The following PDE7B variants were observed in gnomAD, a reference collection of about 807,000 sequenced individuals.
PDE7B encodes the protein phosphodiesterase 7B.
Under a neutral mutation model 56.2 loss-of-function variants are expected in PDE7B, and 29 were observed. The observed-to-expected ratio is 0.52, with a 90% CI of 0.38 to 0.70. The LOEUF is 0.70. PDE7B is among the 30% of genes least tolerant of loss of function. The probability of loss-of-function intolerance (pLI) is 0.00; values close to 1 mark genes in which losing one functional copy is unlikely to be tolerated. For synonymous variants in PDE7B, 197 were observed against 196.9 expected, an observed-to-expected ratio of 1.00 and a Z score of 0.00; for missense variants, 490 against 565.0, an observed-to-expected ratio of 0.87 and a Z score of 1.35.
At chr6:136,019,968 T>A (rs1776043030) in intron 2 of PDE7B, among the ~76,000 whole-genome samples, 1 of 152,180 alleles carries the variant, frequency 6.6e-6, no homozygotes, top group South Asian at 2.1e-4. Context: ...GAAGAAAATC[T>A]ACTTATAAGT....
chr6:136,027,407 T>C (rs1332948714), intron 2 of PDE7B, among the ~76,000 whole-genome samples: 1 of 152,198 alleles, frequency 6.6e-6, no homozygotes, highest in Admixed American at 6.5e-5. Context: ...TCTTGAAGTC[T>C]GACAATCATT....
At chr6:136,078,412 T>C (rs1292226815) in intron 2 of PDE7B, among the ~76,000 whole-genome samples, 2 of 152,166 alleles carry the variant, frequency 1.3e-5, no homozygotes, top group Non-Finnish European at 2.9e-5. Context: ...TGATCAGACA[T>C]TGCCTTCTTC....
At chr6:136,007,221 G>T (rs1243063521) in intron 2 of PDE7B, among the ~76,000 whole-genome samples, 1 of 152,136 alleles carries the variant, frequency 6.6e-6, no homozygotes, top group Non-Finnish European at 1.5e-5. Flanking sequence ...TTATGGATTT[G>T]TATATGTTGA....
chr6:136,048,241 G>A (rs1776553937), intron 2 of PDE7B, among the ~76,000 whole-genome samples: 1 of 152,122 alleles, frequency 6.6e-6, no homozygotes, highest in Non-Finnish European at 1.5e-5. Context: ...AGGAGATGAT[G>A]GGCTGGGCGC....
intron 1 of PDE7B, among the ~76,000 whole-genome samples, chr6:135,924,972 C>T (rs1458317673): frequency 6.8e-6 from 1 of 146,942 alleles, no homozygotes; most frequent in African/African-American, 2.5e-5. Flanking sequence ...AACGTCAGCA[C>T]ACACTGTATT....
At chr6:135,928,412 G>A (rs2128196532) in intron 1 of PDE7B, among the ~76,000 whole-genome samples, 1 of 130,754 alleles carries the variant, frequency 7.6e-6, no homozygotes, top group African/African-American at 2.8e-5. Flanking sequence ...ATGGCAGACT[G>A]AATAAAGAAA....
At chr6:135,906,957 G>C (rs1295488273) in intron 1 of PDE7B, among the ~76,000 whole-genome samples, 3 of 151,638 alleles carry the variant, frequency 2.0e-5, no homozygotes, top group Non-Finnish European at 4.4e-5. Flanking sequence ...AACTTAACCA[G>C]CTAAATTGAC....
At chr6:136,155,857 G>T in intron 8 of PDE7B, 99 bp downstream of exon 8, 1 of 1,258,018 alleles carries the variant, frequency 7.9e-7, no homozygotes, top group South Asian at 1.2e-5. Flanking sequence ...CTTGTTTTAG[G>T]GTCCTAGAAG....
chr6:135,926,395 T>C (rs1774190890), intron 1 of PDE7B, among the ~76,000 whole-genome samples: 2 of 152,022 alleles, frequency 1.3e-5, no homozygotes, highest in South Asian at 4.2e-4. Context: ...CAAACCTCTG[T>C]ATTTTTTATG....
chr6:135,875,899 A>AT (rs1775482013), intron 1 of PDE7B, among the ~76,000 whole-genome samples: 1 of 152,018 alleles, frequency 6.6e-6, no homozygotes, highest in African/African-American at 2.4e-5. Flanking sequence ...CTTTGTGGTC[A>AT]TCTGTTATTT....
intron 2 of PDE7B, among the ~76,000 whole-genome samples, chr6:136,053,828 C>G (rs1279036439): frequency 6.6e-6 from 1 of 152,132 alleles, no homozygotes; most frequent in Non-Finnish European, 1.5e-5. Flanking sequence ...AGCATTTTTT[C>G]ATGTGTTTTT....
intron 2 of PDE7B, among the ~76,000 whole-genome samples, chr6:136,026,929 A>G (rs1776162334): frequency 6.6e-6 from 1 of 152,188 alleles, no homozygotes; most frequent in Admixed American, 6.5e-5. Context: ...CTAACTCCCA[A>G]TGTGATGGTA....
intron 3 of PDE7B, among the ~76,000 whole-genome samples, chr6:136,133,789 G>A (rs1380881367): frequency 6.6e-6 from 1 of 152,128 alleles, no homozygotes; most frequent in Non-Finnish European, 1.5e-5. Context: ...CTGACCAGGA[G>A]CCCAGGAGGA....
chr6:136,119,849 T>C (rs986057287), intron 3 of PDE7B, among the ~76,000 whole-genome samples: 1 of 152,240 alleles, frequency 6.6e-6, no homozygotes, highest in Admixed American at 6.5e-5. Flanking sequence ...ACCTTCAAGA[T>C]ATAAAATAAC....
intron 1 of PDE7B, among the ~76,000 whole-genome samples, chr6:135,898,485 G>A (rs1775941280): frequency 6.6e-6 from 1 of 152,050 alleles, no homozygotes; most frequent in Non-Finnish European, 1.5e-5. Context: ...AATGAAGAAT[G>A]CAGTTATATA....
At chr6:136,138,100 A>G (rs2046092) in intron 3 of PDE7B, among the ~76,000 whole-genome samples, 70,644 of 151,894 alleles carry the variant, frequency 0.47, 17,108 homozygotes, top group African/African-American at 0.62. Context: ...AAAATTGTAT[A>G]AGGGTCTTAA....
rs556877579 is a variant in PDE7B at position 136,173,183 on chromosome 6, C to T, written c.712-614C>T. Among the ~76,000 whole-genome samples, 3 of 152,306 alleles carry T rather than the reference C, an allele frequency of 2.0e-5. No individual in the cohort carries two copies. In the East Asian group the frequency reaches 5.8e-4, roughly 29 times the overall value. The stretch of plus-strand genomic sequence containing the variant: ...AAGTTCATATCGAACCAAAAAGAGC[C>T]CGCATTGCCAAGTCAATCCTAAGCC... On this transcript the variant is annotated intron_variant, in intron 8 of 12. Transcript: ENST00000308191.
chr6:135,939,616 A>G (rs1216739846), intron 1 of PDE7B, among the ~76,000 whole-genome samples: 1 of 152,198 alleles, frequency 6.6e-6, no homozygotes, highest in Non-Finnish European at 1.5e-5. Flanking sequence ...CATGGTAGAC[A>G]GGACTCTGCA....
intron 2 of PDE7B, among the ~76,000 whole-genome samples, chr6:136,085,566 T>G (rs182152769): frequency 1.3e-5 from 2 of 152,282 alleles, no homozygotes; most frequent in African/African-American, 4.8e-5. Flanking sequence ...CCTGGCTGAC[T>G]TTTGGTTGAT....
Sources: allele counts gnomAD v4.1 joint callset (sites outside exome capture counted in the v4.1 genomes callset), GRCh38; gene constraint gnomAD v4.1.1; transcripts MANE v1.5; gene names NCBI Gene and HGNC (gene_info 2026-07-23, HGNC 2026-07-21).